Variants in DYNC1I1 observed in about 807,000 individuals in gnomAD.
DYNC1I1 encodes the protein cytoplasmic dynein 1 intermediate chain 1.
DYNC1I1 carries 43 observed loss-of-function variants against 86.6 expected under a neutral mutation model. That is an observed-to-expected ratio of 0.50 (90% CI 0.39 to 0.64). The LOEUF (loss-of-function observed/expected upper bound fraction) is 0.64, where lower values mean the gene tolerates loss of function less well. DYNC1I1 is among the 30% of genes least tolerant of loss of function. The probability of loss-of-function intolerance (pLI) is 0.00; values close to 1 mark genes in which losing one functional copy is unlikely to be tolerated. For synonymous variants in DYNC1I1, 262 were observed against 283.7 expected (o/e 0.92, Z 0.77); for missense variants, 604 against 788.8 (o/e 0.77, Z 2.81).
rs1215540892 is a variant in DYNC1I1, at chr7:95,827,300, A to G, written c.315-757A>G. ...TAACCGGTACTGTGCAGGATATTTA[A>G]AGAGCCTGGCTGAGAAAAGTCCTGG... On this transcript the variant is annotated intron_variant, in intron 4 of 16. Coordinates refer to ENST00000447467, the MANE Select transcript of DYNC1I1 (RefSeq NM_001135556.2). 2.6e-5 allele frequency among the ~76,000 whole-genome samples: 4 copies of G among 152,176 alleles called. No homozygotes were observed. The East Asian group carries it at 5.8e-4, about 22-fold the overall frequency.
chr7:96,097,827 G>A lies in DYNC1I1; in HGVS notation c.*234G>A. ...TATATTTCTGTCTCAAAAATGAAGAGAAGGGGGTTATGGGTTAAGTTGCTG... is the reference window on the plus strand; with the variant it reads ...TATATTTCTGTCTCAAAAATGAAGAAAAGGGGGTTATGGGTTAAGTTGCTG... On this transcript the variant is annotated 3_prime_UTR_variant, in exon 17 of 17. Transcript: ENST00000447467. The A allele has an allele frequency of 4.0e-6, 5 of 1,256,148 alleles. No homozygotes were observed. The highest frequency in any genetic ancestry group is 5.0e-6 in the Non-Finnish European group (5 of 994,876). The allele number at this position is 1,256,148 out of a possible 1,614,324, so 77.8% of individuals were successfully genotyped here. A position where few individuals can be genotyped will look rare whatever the true frequency, so the allele number is the denominator to read the frequency against.
Position 95,804,725 on chromosome 7 carries a change from C to A in DYNC1I1, c.-5C>A. 3 of 1,582,432 alleles carry A rather than the reference C, an allele frequency of 1.9e-6. No homozygotes were observed. Among genetic ancestry groups the A allele is most frequent in the South Asian group, 2.4e-5 (2 of 84,954 alleles). On this transcript the variant is annotated 5_prime_UTR_variant, in exon 2 of 17. Transcript: ENST00000447467. ...TTTTTTTTCTCTTTCTCCAAGGAAACCAACATGTCTGACAAAAGTGACTTA... is the reference window on the plus strand; with the variant it reads ...TTTTTTTTCTCTTTCTCCAAGGAAAACAACATGTCTGACAAAAGTGACTTA...
chr7:96,021,307 C>T (rs1047711239), intron 10 of DYNC1I1, among the ~76,000 whole-genome samples: 20 of 152,062 alleles, frequency 1.3e-4, no homozygotes, highest in Middle Eastern at 3.2e-3. Flanking sequence ...GTTCTTGGGA[C>T]TCTGGGTCTG....
chr7:95,808,638 G>A (rs1473668217), intron 2 of DYNC1I1, among the ~76,000 whole-genome samples: 1 of 152,158 alleles, frequency 6.6e-6, no homozygotes, highest in South Asian at 2.1e-4. Flanking sequence ...ATGGCCAGGG[G>A]TTTCCTGGCC....
At chr7:95,959,889 G>A (rs953692885) in intron 6 of DYNC1I1, among the ~76,000 whole-genome samples, 6 of 152,176 alleles carry the variant, frequency 3.9e-5, no homozygotes. Flanking sequence ...AGCCCAGGAA[G>A]TCCAACTGCA....
chr7:95,989,341 G>C (rs978871455), intron 9 of DYNC1I1, among the ~76,000 whole-genome samples: 1 of 152,192 alleles, frequency 6.6e-6, no homozygotes, highest in Non-Finnish European at 1.5e-5. Context: ...AAAGCACACA[G>C]TGAGTGATCT....
intron 6 of DYNC1I1, among the ~76,000 whole-genome samples, chr7:95,888,262 C>T (rs1398021586): frequency 6.6e-6 from 1 of 151,934 alleles, no homozygotes; most frequent in Non-Finnish European, 1.5e-5. Context: ...CATGGCAAAC[C>T]CCATCTCCAC....
At chr7:95,922,291 C>T (rs139689274) in intron 6 of DYNC1I1, among the ~76,000 whole-genome samples, 3 of 152,106 alleles carry the variant, frequency 2.0e-5, no homozygotes, top group Non-Finnish European at 4.4e-5. Flanking sequence ...ATATTTCAAA[C>T]GTTACTCTAG....
chr7:95,892,339 T>G (rs1301614038), intron 6 of DYNC1I1, among the ~76,000 whole-genome samples: 1 of 151,774 alleles, frequency 6.6e-6, no homozygotes, highest in South Asian at 2.1e-4. Flanking sequence ...AGACAGAGTC[T>G]TGCTCTGTCG....
chr7:95,934,594 C>T (rs981184315), intron 6 of DYNC1I1, among the ~76,000 whole-genome samples: 23 of 152,066 alleles, frequency 1.5e-4, no homozygotes, highest in African/African-American at 5.3e-4. Context: ...GAAGGCAAGT[C>T]CTCATTGTAA....
chr7:95,881,358 T>C lies in DYNC1I1; in HGVS notation c.490+11360T>C, dbSNP rs1790450250. ...GAAGCTTGCTATACTTGATGACTTA[T>C]TTGAAAAGGAAAAAGAAAAAAAAAA... On this transcript the variant is annotated intron_variant, in intron 6 of 16. Coordinates refer to ENST00000447467, the MANE Select transcript of DYNC1I1 (RefSeq NM_001135556.2). Among the ~76,000 whole-genome samples the C allele has an allele frequency of 3.2e-5, 4 of 124,442 alleles. No individual in the cohort carries two copies. In the South Asian group the frequency reaches 1.0e-3, roughly 33 times the overall value. 81.6% of individuals were successfully genotyped at this position (124,442 alleles called of 152,430 possible).
intron 10 of DYNC1I1, among the ~76,000 whole-genome samples, chr7:96,023,411 G>A (rs1157774910): frequency 6.6e-6 from 1 of 152,170 alleles, no homozygotes; most frequent in African/African-American, 2.4e-5. Context: ...TAGAGGGTAG[G>A]CTTCCCAGCC....
chr7:95,853,128 A>G (rs1312863139), intron 5 of DYNC1I1, among the ~76,000 whole-genome samples: 1 of 152,200 alleles, frequency 6.6e-6, no homozygotes, highest in Non-Finnish European at 1.5e-5. Flanking sequence ...CAGAAAAGAT[A>G]CTTGATAAGA....
intron 5 of DYNC1I1, among the ~76,000 whole-genome samples, chr7:95,861,706 G>A (rs139500597): frequency 2.4e-4 from 36 of 152,128 alleles, no homozygotes; most frequent in African/African-American, 8.7e-4. Context: ...CAGAGTATCC[G>A]AATGTGAATT....
At chr7:96,102,892 T>C (rs1422729790), downstream of DYNC1I1, among the ~76,000 whole-genome samples, 1 of 152,154 alleles carries the variant, frequency 6.6e-6, no homozygotes, top group Non-Finnish European at 1.5e-5. Context: ...TGCCATAGGA[T>C]ATAAACTTAA....
chr7:96,080,865 T>A (rs1373185773), intron 16 of DYNC1I1, among the ~76,000 whole-genome samples: 1 of 151,432 alleles, frequency 6.6e-6, no homozygotes, highest in Admixed American at 6.6e-5. Flanking sequence ...AGGTCAGGAG[T>A]TCGAGACCAG....
chr7:95,953,812 T>C (rs911281601), intron 6 of DYNC1I1, among the ~76,000 whole-genome samples: 2 of 152,208 alleles, frequency 1.3e-5, no homozygotes, highest in African/African-American at 4.8e-5. Flanking sequence ...AGCCTGTGGC[T>C]GGGGTCTCCA....
intron 6 of DYNC1I1, among the ~76,000 whole-genome samples, chr7:95,920,530 G>A (rs1233472741): frequency 3.3e-5 from 5 of 152,176 alleles, no homozygotes; most frequent in African/African-American, 7.2e-5. Context: ...ATGCAGTAAC[G>A]TATGATGTGA....
At chr7:96,079,358 T>C (rs1271212352) in intron 15 of DYNC1I1, among the ~76,000 whole-genome samples, 1 of 152,200 alleles carries the variant, frequency 6.6e-6, no homozygotes, top group African/African-American at 2.4e-5. Flanking sequence ...TTTTAATATT[T>C]ACCTTTTCCT....
Sources: gnomAD v4.1 joint callset for allele counts (sites outside exome capture counted in the v4.1 genomes callset) on GRCh38, gnomAD v4.1.1 for gene constraint, MANE v1.5 for transcripts, NCBI Gene and HGNC (gene_info 2026-07-23, HGNC 2026-07-21) for gene names.